Variants in ARHGAP39 observed in about 807,000 individuals in gnomAD.
ARHGAP39 encodes rho GTPase-activating protein 39.
Under a neutral mutation model 106.9 loss-of-function variants are expected in ARHGAP39, and 44 were observed. The observed-to-expected ratio is 0.41, with a 90% CI of 0.32 to 0.53. The LOEUF (loss-of-function observed/expected upper bound fraction) is 0.53, where lower values mean the gene tolerates loss of function less well. Ranked by LOEUF, ARHGAP39 falls within the 20% of genes least tolerant of loss-of-function variation. The pLI is 0.21. For synonymous variants in ARHGAP39, 768 were observed against 693.2 expected (o/e 1.11, Z -1.69); for missense variants, 1,496 against 1,577.3 (o/e 0.95, Z 0.87).
intron 3 of ARHGAP39, among the ~76,000 whole-genome samples, chr8:144,574,741 C>T (rs1175498791): frequency 6.6e-6 from 1 of 152,182 alleles, no homozygotes; most frequent in African/African-American, 2.4e-5. Context: ...CACCTGTAGT[C>T]TCAGCTACTC....
chr8:144,665,040 C>T (rs1158441629), intron 1 of ARHGAP39, among the ~76,000 whole-genome samples: 7 of 152,128 alleles, frequency 4.6e-5, no homozygotes, highest in African/African-American at 9.7e-5. Context: ...ACAAAAATGC[C>T]GATAGTGATA....
At chr8:144,599,175 A>G (rs1406807302) in intron 2 of ARHGAP39, among the ~76,000 whole-genome samples, 1 of 152,206 alleles carries the variant, frequency 6.6e-6, no homozygotes, top group East Asian at 1.9e-4. Context: ...CCTCGTCAGA[A>G]ATTCACCTGC....
chr8:144,698,336 C>T, the ARHGAP39 span, among the ~76,000 whole-genome samples: 34 of 152,304 alleles, frequency 2.2e-4, no homozygotes, highest in African/African-American at 3.6e-4. Context: ...ATGCTTCCTG[C>T]ACAGCCTGCA....
chr8:144,623,394 A>G (rs2130970169), intron 1 of ARHGAP39, among the ~76,000 whole-genome samples: 1 of 152,370 alleles, frequency 6.6e-6, no homozygotes, highest in South Asian at 2.1e-4. Context: ...TGTCAGCAAG[A>G]TTTTAAAGAT....
rs1359633702 is a variant in ARHGAP39 at position 144,646,966 on chromosome 8, T to C, written c.-82+38720A>G. ...GGAGGCATCTGCTCTGCTCTGACCA[T>C]TTTTTTTTTTTTTTTTTTTTTGAGA... is the stretch of plus-strand genomic sequence containing the variant. On this transcript the variant is annotated intron_variant, in intron 1 of 11. Coordinates refer to ENST00000377307, the MANE Select transcript of ARHGAP39 (RefSeq NM_025251.3). The surrounding 1 kb of genome is among the most constrained non-coding windows in gnomAD (Gnocchi z 5.7). Among the ~76,000 whole-genome samples, 3 of 120,902 alleles carry C rather than the reference T, an allele frequency of 2.5e-5. No homozygotes were observed. The highest frequency in any genetic ancestry group is 9.1e-5 in the Admixed American group (1 of 11,024). The allele number at this position is 120,902 out of a possible 152,430, so 79.3% of individuals were successfully genotyped here.
chr8:144,533,376 C>T, intron 8 of ARHGAP39, 51 bp from the exon 9 acceptor site: 2 of 1,559,012 alleles, frequency 1.3e-6, no homozygotes, highest in Non-Finnish European at 8.8e-7. Flanking sequence ...CCTCAGGACC[C>T]CCCGCCACCC....
chr8:144,656,845 G>A (rs192728503), intron 1 of ARHGAP39, among the ~76,000 whole-genome samples: 67 of 140,230 alleles, frequency 4.8e-4, no homozygotes, highest in Non-Finnish European at 9.2e-4. Flanking sequence ...GAGTCTAAGC[G>A]TATATAAGAC....
At chr8:144,602,628 G>GC (rs1173036478) in intron 2 of ARHGAP39, among the ~76,000 whole-genome samples, 20 of 115,848 alleles carry the variant, frequency 1.7e-4, no homozygotes, top group Non-Finnish European at 3.4e-4. Context: ...GTGTGTGCGT[G>GC]GAGGCGTGTG....
chr8:144,647,280 C>T lies in ARHGAP39; in HGVS notation c.-82+38406G>A, dbSNP rs947573311. ...CTGCGCCCGGCCTGCTCTGACCCTTCTTAAAGCTCGAGCATGTGGCCCCAG... is the reference window on the plus strand; with the variant it reads ...CTGCGCCCGGCCTGCTCTGACCCTTTTTAAAGCTCGAGCATGTGGCCCCAG... On this transcript the variant is annotated intron_variant, in intron 1 of 11. Coordinates refer to ENST00000377307, the MANE Select transcript of ARHGAP39 (RefSeq NM_025251.3). The surrounding 1 kb of genome is among the most constrained non-coding windows in gnomAD (Gnocchi z 4.8). Among the ~76,000 whole-genome samples, 6 of 152,106 alleles carry T rather than the reference C, an allele frequency of 3.9e-5. No individual in the cohort carries two copies. The highest frequency in any genetic ancestry group is 7.4e-5 in the Non-Finnish European group (5 of 68,006).
chr8:144,639,669 A>C (rs1821262127), intron 1 of ARHGAP39, among the ~76,000 whole-genome samples: 1 of 152,062 alleles, frequency 6.6e-6, no homozygotes, highest in Non-Finnish European at 1.5e-5. Flanking sequence ...GAGAAAAAAA[A>C]AATCCTCAAG....
At chr8:144,631,649 G>C (rs1255039765) in intron 1 of ARHGAP39, among the ~76,000 whole-genome samples, 1 of 152,162 alleles carries the variant, frequency 6.6e-6, no homozygotes, top group Non-Finnish European at 1.5e-5. Context: ...AGTGCAGCTG[G>C]GCCATCTGTC....
At chr8:144,691,282 G>A in the ARHGAP39 span, among the ~76,000 whole-genome samples, 2 of 152,264 alleles carry the variant, frequency 1.3e-5, no homozygotes, top group South Asian at 4.1e-4. Flanking sequence ...CTGGCTTTGA[G>A]GGCCTGGTGG....
At position 144,533,325 on chromosome 8, in the gene ARHGAP39, CCT is replaced by C; in HGVS notation, c.2689-2_2689-1del. The C allele has an allele frequency of 6.2e-7, 1 of 1,612,360 alleles. No homozygotes were observed. The highest frequency in any genetic ancestry group is 8.5e-7 in the Non-Finnish European group (1 of 1,179,610). Reference sequence around the variant, plus strand: ...TCCTCCACGTTGGGCTTCTTCAGCCCCTGTGAAGACAGAGGCTCCGTCCTGGT... The same window carrying C: ...TCCTCCACGTTGGGCTTCTTCAGCCCGTGAAGACAGAGGCTCCGTCCTGGT... On this transcript the variant is annotated splice_acceptor_variant, in intron 8 of 11. Coordinates refer to ENST00000377307, the MANE Select transcript of ARHGAP39 (RefSeq NM_025251.3). LOFTEE classifies it high-confidence loss of function.
At chr8:144,659,255 A>G (rs951417226) in intron 1 of ARHGAP39, among the ~76,000 whole-genome samples, 5 of 152,354 alleles carry the variant, frequency 3.3e-5, no homozygotes, top group African/African-American at 1.2e-4. Context: ...GACCAGAGCC[A>G]TTAGCCTACC....
At chr8:144,699,151 G>A in the ARHGAP39 span, 16 of 280,330 alleles carry the variant, frequency 5.7e-5, no homozygotes, top group African/African-American at 3.8e-4. Flanking sequence ...GTAAGCCCTG[G>A]GAGATGGGGC....
At chr8:144,545,166 T>G in intron 6 of ARHGAP39, 83 bp downstream of exon 6, 1 of 1,315,434 alleles carries the variant, frequency 7.6e-7, no homozygotes, top group African/African-American at 1.5e-5. Flanking sequence ...CGCCAGGGAC[T>G]TCACCAGCTG....
At chr8:144,561,470 C>T (rs950347337) in intron 3 of ARHGAP39, among the ~76,000 whole-genome samples, 1 of 151,270 alleles carries the variant, frequency 6.6e-6, no homozygotes, top group Non-Finnish European at 1.5e-5. Context: ...CATCACACTC[C>T]AGTGGTTTCC....
chr8:144,594,035 G>A (rs1819504390), intron 2 of ARHGAP39, among the ~76,000 whole-genome samples: 1 of 147,222 alleles, frequency 6.8e-6, no homozygotes. Flanking sequence ...GTTGCAATGA[G>A]CCGAGATCAC....
At chr8:144,563,112 T>C (rs141537245) in intron 3 of ARHGAP39, among the ~76,000 whole-genome samples, 2 of 152,368 alleles carry the variant, frequency 1.3e-5, no homozygotes, top group African/African-American at 4.8e-5. Flanking sequence ...CAACTGATCA[T>C]GCTAAGAATA....
Sources: allele counts gnomAD v4.1 joint callset (sites outside exome capture counted in the v4.1 genomes callset), GRCh38; gene constraint gnomAD v4.1.1; non-coding constraint Gnocchi (gnomAD v3.1); transcripts MANE v1.5; gene names NCBI Gene and HGNC (gene_info 2026-07-23, HGNC 2026-07-21).